The following TRAF2 variants were observed in gnomAD, a reference collection of about 807,000 sequenced individuals.
The protein encoded by TRAF2 is TNF receptor-associated factor 2.
A neutral mutation model predicts 55.6 loss-of-function variants in TRAF2; 6 were observed. That is an observed-to-expected ratio of 0.11 (90% confidence interval 0.06 to 0.21). The LOEUF is 0.21. Ranked by LOEUF, TRAF2 falls within the 10% of genes least tolerant of loss-of-function variation. TRAF2 has a pLI of 1.00. For missense variants in TRAF2, 561 were observed against 684.5 expected, an observed-to-expected ratio of 0.82 and a Z score of 2.01; for synonymous variants, 329 against 276.3, an observed-to-expected ratio of 1.19 and a Z score of -1.89.
chr9:136,886,584 C>T (rs1287839625), intron 1 of TRAF2, 43 bp downstream of exon 1: 1 of 872,166 alleles, frequency 1.1e-6, no homozygotes, highest in Non-Finnish European at 1.3e-6. Flanking sequence ...GGCGCGGGCG[C>T]GGGGTCGGGT....
intron 3 of TRAF2, 49 bp downstream of exon 3, chr9:136,899,721 A>AT: frequency 6.4e-7 from 1 of 1,572,280 alleles, no homozygotes; most frequent in Non-Finnish European, 8.7e-7. Context: ...AAATGTCTTA[A>AT]TTTCCTTTAC....
intron 4 of TRAF2, among the ~76,000 whole-genome samples, chr9:136,903,962 G>A (rs569948576): frequency 1.3e-5 from 2 of 152,154 alleles, no homozygotes; most frequent in Non-Finnish European, 1.5e-5. Context: ...GATTACAGGC[G>A]TGAGCCACCG....
At chr9:136,903,418 G>A (rs1159296578) in intron 4 of TRAF2, among the ~76,000 whole-genome samples, 4 of 152,158 alleles carry the variant, frequency 2.6e-5, no homozygotes, top group Non-Finnish European at 4.4e-5. Context: ...CACGAGCAGC[G>A]GAAAGGCCAG....
intron 4 of TRAF2, among the ~76,000 whole-genome samples, chr9:136,901,342 C>A (rs1200833928): frequency 6.6e-6 from 1 of 152,106 alleles, no homozygotes; most frequent in Non-Finnish European, 1.5e-5. Flanking sequence ...TCCACAGAGC[C>A]CAAAGGTAGA....
chr9:136,920,514 A>G lies in TRAF2; in HGVS notation c.959A>G (p.Lys320Arg). 6.2e-7 allele frequency: 1 copy of G among 1,607,186 alleles called. No homozygotes were observed. The highest frequency in any genetic ancestry group is 8.5e-7 in the Non-Finnish European group (1 of 1,175,722). ...DQDKIEALSS[K>R]VQQLERSIGL... ...GACAAGATTGAAGCCCTGAGTAGCA[A>G]GGTTTGTGCCTGCCGGGTGGCCAGC... Residue 320 changes from lysine (K) to arginine (R), a missense_variant and splice_region_variant, in exon 8 of 11, where the codon AAG becomes AGG. Physicochemically the swap from Lys to Arg is conservative, Grantham distance 26 (BLOSUM62 2). This residue lies in a region of TRAF2 where 426 missense variants were observed against 476.8 expected (regional missense o/e 0.89). Coordinates refer to ENST00000247668, the MANE Select transcript of TRAF2 (RefSeq NM_021138.4).
chr9:136,901,621 A>T (rs1447124418), intron 4 of TRAF2, among the ~76,000 whole-genome samples: 1 of 152,166 alleles, frequency 6.6e-6, no homozygotes, highest in Admixed American at 6.5e-5. Flanking sequence ...GTGAGTACCG[A>T]GTCATACATT....
chr9:136,890,732 G>C (rs1324713282), intron 1 of TRAF2, among the ~76,000 whole-genome samples: 1 of 152,254 alleles, frequency 6.6e-6, no homozygotes. Context: ...GAACCCCAGA[G>C]TGTAGTGTGG....
chr9:136,900,598 C>T (rs757229457), intron 4 of TRAF2, 78 bp downstream of exon 4: 2 of 1,169,438 alleles, frequency 1.7e-6, no homozygotes, highest in Non-Finnish European at 2.5e-6. Flanking sequence ...GCAGTTATGA[C>T]CTTGTCCTGC....
upstream of TRAF2, chr9:136,886,378 C>CA: frequency 1.0e-6 from 1 of 984,218 alleles, no homozygotes; most frequent in Non-Finnish European, 1.2e-6. Context: ...GCGCTCGGAG[C>CA]GGGGCGTATC....
intron 10 of TRAF2, among the ~76,000 whole-genome samples, chr9:136,924,625 C>T (rs1850476133): frequency 6.6e-6 from 1 of 152,200 alleles, no homozygotes; most frequent in East Asian, 1.9e-4. Flanking sequence ...AGCTTTAGCC[C>T]AGGACTCCAG....
At chr9:136,920,594 A>G in intron 8 of TRAF2, 79 bp downstream of exon 8, 1 of 1,481,436 alleles carries the variant, frequency 6.8e-7, no homozygotes, top group Non-Finnish European at 9.0e-7. Flanking sequence ...AGGTTCTAGC[A>G]GGTCCTGGAG....
chr9:136,921,121 C>T lies in TRAF2; in HGVS notation c.1044C>T (p.Ser348=), dbSNP rs1319727766. Reference sequence around the variant, plus strand: ...AGAAGGTCTTGGAGATGGAGGCATCCACCTACGATGGGGTCTTCATCTGGA... The same window carrying T: ...AGAAGGTCTTGGAGATGGAGGCATCTACCTACGATGGGGTCTTCATCTGGA... The part of the protein sequence containing the change: ...LEQKVLEMEA[S]TYDGVFIWKI... The change falls in exon 9 of 11, where the codon TCC becomes TCT. Residue 348 remains serine (S), a synonymous_variant. Coordinates refer to ENST00000247668, the MANE Select transcript of TRAF2 (RefSeq NM_021138.4). The T allele has an allele frequency of 1.2e-6, 2 of 1,613,972 alleles. No homozygotes were observed. Among genetic ancestry groups the T allele is most frequent in the South Asian group, 1.1e-5 (1 of 91,088 alleles).
At chr9:136,896,683 C>T (rs1849687382) in intron 1 of TRAF2, among the ~76,000 whole-genome samples, 1 of 152,088 alleles carries the variant, frequency 6.6e-6, no homozygotes, top group African/African-American at 2.4e-5. Flanking sequence ...CTCTGTCACC[C>T]AGGCTGGAGC....
At chr9:136,910,287 C>G (rs1850073484) in intron 6 of TRAF2, among the ~76,000 whole-genome samples, 1 of 152,214 alleles carries the variant, frequency 6.6e-6, no homozygotes, top group Non-Finnish European at 1.5e-5. Context: ...CATTAAAGTT[C>G]TCATCGCCCT....
chr9:136,916,922 C>T (rs1001695585), intron 7 of TRAF2, among the ~76,000 whole-genome samples: 4 of 152,254 alleles, frequency 2.6e-5, no homozygotes, highest in Non-Finnish European at 4.4e-5. Context: ...CAGATGTACC[C>T]GGCCGGCTCG....
intron 7 of TRAF2, among the ~76,000 whole-genome samples, chr9:136,918,900 A>G (rs984264734): frequency 6.6e-6 from 1 of 151,158 alleles, no homozygotes. Flanking sequence ...AGGCCCAGCT[A>G]ATTTTTGTAT....
Position 136,925,880 on chromosome 9 carries a change from T to C in TRAF2, c.1485T>C (p.Ile495=). 3 of 1,614,216 alleles carry C rather than the reference T, an allele frequency of 1.9e-6. No individual in the cohort carries two copies. Among genetic ancestry groups the C allele is most frequent in the South Asian group, 1.1e-5 (1 of 91,084 alleles). The change falls in exon 11 of 11, where the codon ATT becomes ATC. Residue 495 remains isoleucine (I), a synonymous_variant. Coordinates refer to ENST00000247668, the MANE Select transcript of TRAF2 (RefSeq NM_021138.4). ...ACGATGCCATCTTCATCAAGGCCAT[T>C]GTGGACCTGACAGGGCTCTAACTGC... ...VRDDAIFIKA[I]VDLTGL is the part of the protein sequence containing the mutation.
chr9:136,917,707 TTG>T (rs1331661945), intron 7 of TRAF2, among the ~76,000 whole-genome samples: 2 of 152,296 alleles, frequency 1.3e-5, no homozygotes, highest in South Asian at 2.1e-4. Context: ...GCCTTAGGTA[TTG>T]TGTTTTTTTC....
intron 4 of TRAF2, among the ~76,000 whole-genome samples, chr9:136,902,731 A>G (rs1849850407): frequency 6.6e-6 from 1 of 152,176 alleles, no homozygotes; most frequent in Admixed American, 6.5e-5. Flanking sequence ...ATGGGGACGG[A>G]AATCAACCCG....
Sources: allele counts gnomAD v4.1 joint callset (sites outside exome capture counted in the v4.1 genomes callset), GRCh38; gene constraint gnomAD v4.1.1; regional missense constraint gnomAD v4.1.1; transcripts MANE v1.5; gene names NCBI Gene and HGNC (gene_info 2026-07-23, HGNC 2026-07-21).